The following PKD1L1 variants were observed in gnomAD, a reference collection of about 807,000 sequenced individuals.
PKD1L1 encodes the protein polycystin-1-like protein 1.
In PKD1L1, 236 loss-of-function variants were observed where a neutral mutation model predicts 323.4. That is an observed-to-expected ratio of 0.73 (90% CI 0.66 to 0.81). The LOEUF is 0.81. Ranked by LOEUF, PKD1L1 falls within the 40% of genes least tolerant of loss-of-function variation. The probability of loss-of-function intolerance (pLI) is 0.00; values close to 1 mark genes in which losing one functional copy is unlikely to be tolerated. For synonymous variants in PKD1L1, 1,344 were observed against 1,335.0 expected (o/e 1.01, Z -0.15); for missense variants, 3,320 against 3,508.0 (o/e 0.95, Z 1.35).
intron 52 of PKD1L1, among the ~76,000 whole-genome samples, chr7:47,806,551 C>T (rs1207340339): frequency 6.6e-6 from 1 of 152,232 alleles, no homozygotes; most frequent in Admixed American, 6.5e-5. Context: ...GCAGCCAGTC[C>T]TCATCGGGCC....
At chr7:47,862,953 C>T (rs1546740) in intron 26 of PKD1L1, among the ~76,000 whole-genome samples, 13,739 of 152,188 alleles carry the variant, frequency 0.09, 810 homozygotes, top group East Asian at 0.3. Context: ...CTGTGTGTAG[C>T]CTGTTTTCTA....
At chr7:47,949,034 G>C (rs1788159154), upstream of PKD1L1, among the ~76,000 whole-genome samples, 1 of 152,114 alleles carries the variant, frequency 6.6e-6, no homozygotes, top group African/African-American at 2.4e-5. Context: ...CTACTCAAGG[G>C]AGAGACTGTA....
In PKD1L1 at chr7:47,811,850, G is replaced by A. The variant is rs1784903879; in HGVS notation, c.7548C>T (p.Asp2516=). ...LVESFSIFRS[D]SALQYHLMLP... is the part of the protein sequence containing the mutation. ...GCATGAGGTGGTACTGCAGGGCTGA[G>A]TCGCTGCGGAAGATGCTGAATGACT... Residue 2516 remains aspartate (D), a synonymous_variant, in exon 50 of 57, where the codon GAC becomes GAT. Coordinates refer to ENST00000289672, the MANE Select transcript of PKD1L1 (RefSeq NM_138295.5). The A allele has an allele frequency of 1.9e-6, 3 of 1,609,022 alleles. No individual in the cohort carries two copies. The highest frequency in any genetic ancestry group is 2.5e-6 in the Non-Finnish European group (3 of 1,178,090).
At chr7:47,806,047 G>A (rs1784770268) in intron 52 of PKD1L1, among the ~76,000 whole-genome samples, 1 of 152,186 alleles carries the variant, frequency 6.6e-6, no homozygotes, top group Admixed American at 6.5e-5. Context: ...GGCAGGGGCA[G>A]GGAACATAAT....
chr7:47,857,574 T>C (rs1399313738), intron 28 of PKD1L1, 31 bp downstream of exon 28: 2 of 1,579,002 alleles, frequency 1.3e-6, no homozygotes, highest in Non-Finnish European at 1.7e-6. Context: ...AAATGGTCAT[T>C]AGAAGTGGCA....
At chr7:47,944,795 T>C (rs1438499125) in intron 1 of PKD1L1, among the ~76,000 whole-genome samples, 1 of 152,206 alleles carries the variant, frequency 6.6e-6, no homozygotes, top group Non-Finnish European at 1.5e-5. Context: ...TTTCAGCCTG[T>C]AGCTCCTTGG....
the PKD1L1 span, among the ~76,000 whole-genome samples, chr7:47,954,772 T>G: frequency 5.9e-5 from 9 of 152,348 alleles, no homozygotes; most frequent in African/African-American, 4.8e-5. Context: ...GTCAGCATGT[T>G]TAGTCACTGT....
chr7:47,920,809 C>T (rs1336842182), intron 7 of PKD1L1, among the ~76,000 whole-genome samples: 1 of 152,094 alleles, frequency 6.6e-6, no homozygotes, highest in Non-Finnish European at 1.5e-5. Flanking sequence ...CTCTTTTCAA[C>T]AAATGGTGCT....
intron 42 of PKD1L1, 98 bp from the exon 43 acceptor site, chr7:47,830,222 C>A: frequency 9.9e-7 from 1 of 1,007,052 alleles, no homozygotes. Flanking sequence ...CTGAGAGGGC[C>A]TATGGCCTCG....
intron 26 of PKD1L1, among the ~76,000 whole-genome samples, chr7:47,861,738 G>A (rs775118094): frequency 1.3e-5 from 2 of 151,818 alleles, no homozygotes; most frequent in Non-Finnish European, 2.9e-5. Context: ...AAAATTAGCC[G>A]GGCATGGTGG....
chr7:47,927,432 A>T (rs1055583770), intron 7 of PKD1L1, among the ~76,000 whole-genome samples: 6 of 152,010 alleles, frequency 3.9e-5, no homozygotes, highest in African/African-American at 9.7e-5. Context: ...CGCCCAGCTA[A>T]TTTTTGTATT....
intron 42 of PKD1L1, 89 bp from the exon 43 acceptor site, chr7:47,830,213 T>C: frequency 8.9e-7 from 1 of 1,118,204 alleles, no homozygotes; most frequent in Non-Finnish European, 1.3e-6. Context: ...GGACACTGCC[T>C]GAGAGGGCCT....
Position 47,943,164 on chromosome 7 carries a change from ATATATATATAT to A in PKD1L1, c.160+221_160+231del, listed in dbSNP as rs369506147. On this transcript the variant is annotated intron_variant, in intron 2 of 56. Coordinates refer to ENST00000289672, the MANE Select transcript of PKD1L1 (RefSeq NM_138295.5). ...CCGTCTCAAAAAAAAAAAAAAAAAA[ATATATATATAT>A]ATATATATATATATATATATATGTG... Among the ~76,000 whole-genome samples, 181 of 25,660 alleles carry A rather than the reference ATATATATATAT, an allele frequency of 7.1e-3. 1 individual carries two copies. The highest frequency in any genetic ancestry group is 0.021 in the African/African-American group (153 of 7,422). The allele number at this position is 25,660 out of a possible 152,430, so 16.8% of individuals were successfully genotyped here.
chr7:47,948,420 C>G lies in PKD1L1; in HGVS notation c.21G>C (p.Gln7His). 9 of 1,614,110 alleles carry G rather than the reference C, an allele frequency of 5.6e-6. No homozygotes were observed. In the South Asian group the frequency reaches 9.9e-5, roughly 18 times the overall value. MAEEAA[Q>H]NISDDQERCL... ...ACCTTTCCTGGTCATCAGAAATGTT[C>G]TGGGCTGCCTCCTCGGCCATGTCCT... The change falls in exon 1 of 57, where the codon CAG (glutamine) becomes CAC (histidine). Residue 7 changes from glutamine (Q) to histidine (H), a missense_variant. Coordinates refer to ENST00000289672, the MANE Select transcript of PKD1L1 (RefSeq NM_138295.5).
chr7:47,920,104 C>T (rs1787504301), intron 7 of PKD1L1, among the ~76,000 whole-genome samples: 1 of 152,044 alleles, frequency 6.6e-6, no homozygotes, highest in Non-Finnish European at 1.5e-5. Context: ...GATCGTATAT[C>T]TAGAAAACCC....
At position 47,800,711 on chromosome 7, in the gene PKD1L1, G is replaced by C. The variant is rs145005848; in HGVS notation, c.8131C>G (p.Arg2711Gly). The C allele has an allele frequency of 3.7e-6, 6 of 1,614,174 alleles. No individual in the cohort carries two copies. The highest frequency in any genetic ancestry group is 5.1e-6 in the Non-Finnish European group (6 of 1,180,040). The change falls in exon 54 of 57, where the codon CGG becomes GGG. Residue 2711 changes from arginine to glycine, a missense_variant. Coordinates refer to ENST00000289672, the MANE Select transcript of PKD1L1 (RefSeq NM_138295.5). ...ATCCCAAAGTAACAAGCCATGGCCC[G>C]CTGGTCAGACTTGGAAAGGCCAAGG... The part of the protein sequence containing the change: ...CLLGLSKSDQ[R>G]AMACYFGILL...
chr7:47,932,385 C>T (rs1408618138), intron 4 of PKD1L1, among the ~76,000 whole-genome samples: 1 of 152,240 alleles, frequency 6.6e-6, no homozygotes, highest in Non-Finnish European at 1.5e-5. Context: ...GCTCTGTCTT[C>T]CCTGTGGGGC....
intron 12 of PKD1L1, among the ~76,000 whole-genome samples, chr7:47,903,810 C>T (rs1787142317): frequency 6.6e-6 from 1 of 152,282 alleles, no homozygotes; most frequent in South Asian, 2.1e-4. Flanking sequence ...CCTAGAGGCT[C>T]GGCTGGGAAT....
intron 56 of PKD1L1, among the ~76,000 whole-genome samples, chr7:47,790,812 C>G (rs994662520): frequency 2.7e-5 from 4 of 150,638 alleles, no homozygotes; most frequent in Non-Finnish European, 5.9e-5. Context: ...ACTCTGTCAC[C>G]TAGGCTGGAT....
Sources: gnomAD v4.1 joint callset for allele counts (sites outside exome capture counted in the v4.1 genomes callset) on GRCh38, gnomAD v4.1.1 for gene constraint, MANE v1.5 for transcripts, NCBI Gene and HGNC (gene_info 2026-07-23, HGNC 2026-07-21) for gene names.